RTTN: variants seen among roughly 807,000 people sequenced by gnomAD.
RTTN encodes rotatin.
Under a neutral mutation model 269.2 loss-of-function variants are expected in RTTN, and 182 were observed. The observed-to-expected ratio is 0.68, with a 90% CI of 0.60 to 0.76. The LOEUF (loss-of-function observed/expected upper bound fraction) is 0.76, where lower values mean the gene tolerates loss of function less well. Ranked by LOEUF, RTTN falls within the 30% of genes least tolerant of loss-of-function variation. RTTN has a pLI of 0.00. For synonymous variants in RTTN, 1,006 were observed against 963.5 expected, an observed-to-expected ratio of 1.04 and a Z score of -0.82; for missense variants, 2,545 against 2,608.6, an observed-to-expected ratio of 0.98 and a Z score of 0.53.
chr18:70,094,993 G>A (rs1408315617), intron 28 of RTTN, among the ~76,000 whole-genome samples: 1 of 151,790 alleles, frequency 6.6e-6, no homozygotes, highest in Non-Finnish European at 1.5e-5. Context: ...CTCCTGTATT[G>A]GGTGCATATA....
At chr18:70,011,410 C>T (rs989003200) in intron 46 of RTTN, among the ~76,000 whole-genome samples, 3 of 152,170 alleles carry the variant, frequency 2.0e-5, no homozygotes, top group Admixed American at 6.5e-5. Context: ...TCCGTTTCAT[C>T]CCTGGGATGC....
Position 70,112,389 on chromosome 18 carries a change from G to A in RTTN, c.3683+2056C>T, listed in dbSNP as rs185052929. ...TTGGATAAAGAGTCAAGACCTATCA[G>A]TGTGCTATATTCAGGAGACCCATCT... On this transcript the variant is annotated intron_variant, in intron 27 of 48. Transcript: ENST00000640769. 2.0e-5 allele frequency among the ~76,000 whole-genome samples: 3 copies of A among 148,188 alleles called. No individual in the cohort carries two copies. The East Asian group carries it at 6.2e-4, about 31-fold the overall frequency.
intron 2 of RTTN, 108 bp downstream of exon 2, chr18:70,205,019 TA>T (rs2062040759): frequency 7.4e-6 from 8 of 1,087,280 alleles, no homozygotes; most frequent in Middle Eastern, 4.3e-4. Flanking sequence ...TCTGGTTGAT[TA>T]AAAAAACTTT....
chr18:70,106,880 C>A (rs1308114053), intron 28 of RTTN, among the ~76,000 whole-genome samples: 1 of 152,140 alleles, frequency 6.6e-6, no homozygotes, highest in African/African-American at 2.4e-5. Flanking sequence ...ATTTACTTAT[C>A]TTTCAAAATC....
At chr18:70,016,636 T>C (rs2056546241) in intron 46 of RTTN, among the ~76,000 whole-genome samples, 1 of 152,184 alleles carries the variant, frequency 6.6e-6, no homozygotes, top group African/African-American at 2.4e-5. Flanking sequence ...CGATTCTTTT[T>C]GCTTCAATTT....
chr18:70,031,426 G>T, intron 40 of RTTN: 1 of 398,194 alleles, frequency 2.5e-6, no homozygotes, highest in South Asian at 1.3e-4. Flanking sequence ...TATCTCAGGT[G>T]ATTTGGTTCT....
At chr18:70,198,857 T>G (rs2061879139) in intron 5 of RTTN, among the ~76,000 whole-genome samples, 1 of 152,026 alleles carries the variant, frequency 6.6e-6, no homozygotes, top group African/African-American at 2.4e-5. Flanking sequence ...AAGAGAAAAC[T>G]CCTGTCACCA....
At chr18:70,134,047 T>C (rs1252900572) in intron 23 of RTTN, among the ~76,000 whole-genome samples, 1 of 152,076 alleles carries the variant, frequency 6.6e-6, no homozygotes, top group Non-Finnish European at 1.5e-5. Context: ...AGCAGTTATG[T>C]AGAATAATGT....
At chr18:70,138,039 G>A (rs768216835) in intron 21 of RTTN, among the ~76,000 whole-genome samples, 3 of 152,196 alleles carry the variant, frequency 2.0e-5, no homozygotes, top group Non-Finnish European at 4.4e-5. Flanking sequence ...AGCACTTTGG[G>A]AGGCCAAGGC....
chr18:70,017,741 G>A (rs2056584285), intron 45 of RTTN, 67 bp from the exon 46 acceptor site: 6 of 1,321,500 alleles, frequency 4.5e-6, no homozygotes, highest in Admixed American at 4.6e-5. Flanking sequence ...GTCCCTTGGT[G>A]ACCAATTAAC....
rs773244577 is a variant in RTTN at position 70,020,732 on chromosome 18, C to T, written c.6036G>A (p.Leu2012=). 4.3e-6 allele frequency: 7 copies of T among 1,614,084 alleles called. No individual in the cohort carries two copies. The South Asian group carries it at 6.6e-5, about 15-fold the overall frequency. The change falls in exon 45 of 49, where the codon CTG becomes CTA. Residue 2012 remains leucine (L), a synonymous_variant. Transcript: ENST00000640769. ...TCTGGGAAGCCAACTTTAGGATACA[C>T]AGCATCAGAGAGTTGCTCACGGCTC... ...HRGAVSNSLM[L]CILKLASQMP... is the part of the protein sequence containing the mutation.
chr18:70,089,600 G>C (rs541647851), intron 30 of RTTN, among the ~76,000 whole-genome samples: 1 of 152,294 alleles, frequency 6.6e-6, no homozygotes, highest in African/African-American at 2.4e-5. Flanking sequence ...GGCTAGAAGA[G>C]TTTTGAGGTG....
intron 4 of RTTN, among the ~76,000 whole-genome samples, chr18:70,199,985 C>T (rs1465970633): frequency 1.3e-5 from 2 of 152,038 alleles, no homozygotes; most frequent in African/African-American, 4.8e-5. Flanking sequence ...ACTTGAAGAC[C>T]GTAAGGTCAA....
chr18:70,105,975 C>A (rs554875517), intron 28 of RTTN, among the ~76,000 whole-genome samples: 1 of 152,160 alleles, frequency 6.6e-6, no homozygotes, highest in South Asian at 2.1e-4. Context: ...GGTGCTAGGT[C>A]AATGCAGTAG....
chr18:70,020,995 T>C (rs920069460), intron 44 of RTTN, 178 bp from the exon 45 acceptor site: 1 of 502,342 alleles, frequency 2.0e-6, no homozygotes, highest in African/African-American at 1.9e-5. Context: ...TATACTGTCC[T>C]CACTGAGGGC....
intron 28 of RTTN, among the ~76,000 whole-genome samples, chr18:70,108,557 A>C (rs2059383279): frequency 6.6e-6 from 1 of 152,206 alleles, no homozygotes; most frequent in South Asian, 2.1e-4. Context: ...AAAAAGATGC[A>C]AAATTCGAAA....
chr18:70,174,739 G>A (rs1470955437), intron 11 of RTTN, among the ~76,000 whole-genome samples: 2 of 151,488 alleles, frequency 1.3e-5, no homozygotes, highest in Non-Finnish European at 2.9e-5. Context: ...AGAATAAACA[G>A]GCCAGGTGCA....
In RTTN at chr18:70,180,770, A is replaced by C. The variant is rs60190896; in HGVS notation, c.1306-3925T>G. 4.0e-3 allele frequency among the ~76,000 whole-genome samples: 604 copies of C among 152,274 alleles called. 6 individuals carry two copies. The highest frequency in any genetic ancestry group is 0.014 in the African/African-American group (568 of 41,548). On this transcript the variant is annotated intron_variant, in intron 10 of 48. Coordinates refer to ENST00000640769, the MANE Select transcript of RTTN (RefSeq NM_173630.4). ...TCATGATAATTAAATGACCTCATAA[A>C]TAGTGCTTAGTGTCTGACATACAGT...
chr18:70,103,860 GT>G (rs1263494020), intron 28 of RTTN, among the ~76,000 whole-genome samples: 1 of 151,710 alleles, frequency 6.6e-6, no homozygotes, highest in Admixed American at 6.6e-5. Context: ...GAGATCCGCT[GT>G]TAGTCTGACG....
Sources: gnomAD v4.1 joint callset for allele counts (sites outside exome capture counted in the v4.1 genomes callset) on GRCh38, gnomAD v4.1.1 for gene constraint, MANE v1.5 for transcripts, NCBI Gene and HGNC (gene_info 2026-07-23, HGNC 2026-07-21) for gene names.